Variants in KIAA1671 observed in about 807,000 individuals in gnomAD.
KIAA1671 encodes the protein KIAA1671, also known as uncharacterized protein KIAA1671.
A neutral mutation model predicts 131.2 loss-of-function variants in KIAA1671; 52 were observed. The ratio of observed to expected loss-of-function variants is 0.40; its 90% CI spans 0.32 to 0.50. The LOEUF (loss-of-function observed/expected upper bound fraction) is 0.50, where lower values mean the gene tolerates loss of function less well. KIAA1671 is among the 20% of genes least tolerant of loss of function. The probability of loss-of-function intolerance (pLI) is 0.73; values close to 1 mark genes in which losing one functional copy is unlikely to be tolerated. For missense variants in KIAA1671, 2,360 were observed against 2,364.2 expected (o/e 1.00, Z 0.04); for synonymous variants, 1,003 against 961.6 (o/e 1.04, Z -0.80).
chr22:25,123,099 A>T (rs1206612187), intron 6 of KIAA1671, among the ~76,000 whole-genome samples: 1 of 151,658 alleles, frequency 6.6e-6, no homozygotes, highest in Non-Finnish European at 1.5e-5. Flanking sequence ...TCTTGCCTTC[A>T]GTTATTCACA....
Position 25,080,328 on chromosome 22 carries a change from AGGATTAAAACACAG to A in KIAA1671, c.4530+30977_4530+30990del, listed in dbSNP as rs981517088. ...TACTCAGGTGGGAGGGGAATTGTAAAGGATTAAAACACAGGGATTAAAACACCAATCCCTGTTGT... is the reference window on the plus strand; with the variant it reads ...TACTCAGGTGGGAGGGGAATTGTAAAGGATTAAAACACCAATCCCTGTTGT... On this transcript the variant is annotated intron_variant, in intron 6 of 12. Transcript: ENST00000358431. Among the ~76,000 whole-genome samples the A allele has an allele frequency of 1.7e-4, 26 of 152,200 alleles. 1 individual carries two copies. Among genetic ancestry groups the A allele is most frequent in the Middle Eastern group, 6.8e-3 (2 of 294 alleles).
chr22:25,140,038 C>T (rs897579019), intron 6 of KIAA1671, among the ~76,000 whole-genome samples: 1 of 152,204 alleles, frequency 6.6e-6, no homozygotes, highest in Non-Finnish European at 1.5e-5. Context: ...ATATAAATAT[C>T]TCACAGTTTT....
Position 25,079,233 on chromosome 22 carries a change from C to CT in KIAA1671, c.4530+29883dup, listed in dbSNP as rs67245632. On this transcript the variant is annotated intron_variant, in intron 6 of 12. Coordinates refer to ENST00000358431, the MANE Select transcript of KIAA1671 (RefSeq NM_001145206.2). ...CCATGTTTCCTGCCCCAGGGACTAA[C>CT]TTTTTTTTTTTTTTGAGATGGAGTC... Among the ~76,000 whole-genome samples the CT allele has an allele frequency of 9.9e-3, 1,457 of 146,692 alleles. 5 individuals are homozygous for CT. Among genetic ancestry groups the CT allele is most frequent in the African/African-American group, 0.014 (548 of 40,118 alleles).
intron 6 of KIAA1671, among the ~76,000 whole-genome samples, chr22:25,135,778 G>GT (rs1412277994): frequency 3.9e-5 from 6 of 152,182 alleles, no homozygotes; most frequent in Non-Finnish European, 8.8e-5. Flanking sequence ...TTGGTTCTGC[G>GT]TTTCCAGTTC....
intron 9 of KIAA1671, among the ~76,000 whole-genome samples, chr22:25,181,199 C>G (rs1244971062): frequency 2.6e-5 from 4 of 152,188 alleles, no homozygotes; most frequent in Non-Finnish European, 4.4e-5. Context: ...CTTGAGTGAT[C>G]AGCTCAGCCT....
chr22:25,054,137 G>C (rs1190632947), intron 6 of KIAA1671: 4 of 130,946 alleles, frequency 3.1e-5, no homozygotes, highest in African/African-American at 1.1e-4. Flanking sequence ...CTTGATCCCA[G>C]CTACTCAGGA....
intron 6 of KIAA1671, among the ~76,000 whole-genome samples, chr22:25,169,418 CAAAAA>C (rs34299474): frequency 0.26 from 30,195 of 117,934 alleles, 3,373 homozygotes; most frequent in South Asian, 0.39. Flanking sequence ...GACCTTGTCT[CAAAAA>C]AAAAAAAAAA....
intron 6 of KIAA1671, among the ~76,000 whole-genome samples, chr22:25,128,634 A>G (rs1307918421): frequency 6.6e-6 from 1 of 151,480 alleles, no homozygotes; most frequent in Admixed American, 6.6e-5. Context: ...TCACTCCCCT[A>G]ATTGGTACCC....
intron 1 of KIAA1671, among the ~76,000 whole-genome samples, chr22:25,020,585 A>G (rs77627280): frequency 0.029 from 4,433 of 152,256 alleles, 240 homozygotes; most frequent in African/African-American, 0.1. Flanking sequence ...AAACAGAGGT[A>G]GTCACCAGGT....
intron 6 of KIAA1671, among the ~76,000 whole-genome samples, chr22:25,169,916 G>A (rs1933785243): frequency 6.6e-6 from 1 of 152,090 alleles, no homozygotes; most frequent in East Asian, 1.9e-4. Flanking sequence ...TTTGGGGCGT[G>A]TAATTTCATG....
chr22:25,103,795 G>A (rs1442244610), intron 6 of KIAA1671, among the ~76,000 whole-genome samples: 1 of 151,532 alleles, frequency 6.6e-6, no homozygotes, highest in African/African-American at 2.4e-5. Context: ...ACCAGCCCAG[G>A]GCAAGTCCTT....
chr22:25,165,973 C>T (rs1057364674), intron 6 of KIAA1671, among the ~76,000 whole-genome samples: 30 of 152,188 alleles, frequency 2.0e-4, no homozygotes, highest in African/African-American at 6.5e-4. Flanking sequence ...TCCCGCAGGC[C>T]GTAACCCTTT....
chr22:24,975,276 G>T (rs925062732), intron 1 of KIAA1671, among the ~76,000 whole-genome samples: 1 of 151,450 alleles, frequency 6.6e-6, no homozygotes, highest in East Asian at 1.9e-4. Context: ...GAATGTTTTT[G>T]AGGTCATTCA....
chr22:24,965,993 G>T (rs913609965), intron 1 of KIAA1671, among the ~76,000 whole-genome samples: 12 of 152,210 alleles, frequency 7.9e-5, no homozygotes, highest in African/African-American at 2.4e-4. Context: ...AAAAATGGTA[G>T]TGTTATTCCC....
chr22:24,975,862 T>C (rs1922884051), intron 1 of KIAA1671, among the ~76,000 whole-genome samples: 1 of 152,126 alleles, frequency 6.6e-6, no homozygotes, highest in African/African-American at 2.4e-5. Context: ...TGGCCTCCCT[T>C]TGCACTTGGG....
At chr22:25,023,275 G>A (rs1925771962) in intron 1 of KIAA1671, 1 of 152,172 alleles carries the variant, frequency 6.6e-6, no homozygotes, top group Non-Finnish European at 1.5e-5. Context: ...GTTAAGGCAC[G>A]AGAATCACTT....
At chr22:25,175,119 C>G (rs967599681) in intron 8 of KIAA1671, 1 of 152,394 alleles carries the variant, frequency 6.6e-6, no homozygotes, top group Non-Finnish European at 1.5e-5. Flanking sequence ...GTCTCCTGCT[C>G]TAGCATCTTC....
At chr22:25,140,793 T>G (rs1407713213) in intron 6 of KIAA1671, among the ~76,000 whole-genome samples, 1 of 152,198 alleles carries the variant, frequency 6.6e-6, no homozygotes, top group Non-Finnish European at 1.5e-5. Flanking sequence ...AGGAGGTTCT[T>G]GAGCAGAGGC....
At chr22:24,989,142 G>C (rs563337927) in intron 1 of KIAA1671, among the ~76,000 whole-genome samples, 10 of 152,306 alleles carry the variant, frequency 6.6e-5, no homozygotes, top group East Asian at 1.9e-4. Context: ...GTAGGAAGGG[G>C]TGTTCATTGT....
Sources: gnomAD v4.1 joint callset for allele counts (sites outside exome capture counted in the v4.1 genomes callset) on GRCh38, gnomAD v4.1.1 for gene constraint, MANE v1.5 for transcripts, NCBI Gene and HGNC (gene_info 2026-07-23, HGNC 2026-07-21) for gene names.